The following WDR7 variants were observed in gnomAD, a reference collection of about 807,000 sequenced individuals.
WDR7 encodes the protein WD repeat domain 7, also known as WD repeat-containing protein 7.
WDR7 carries 46 observed loss-of-function variants against 169.4 expected under a neutral mutation model. That is an observed-to-expected ratio of 0.27 (90% CI 0.21 to 0.35). The LOEUF is 0.35. Ranked by LOEUF, WDR7 falls within the 10% of genes least tolerant of loss-of-function variation. WDR7 has a pLI of 1.00. For synonymous variants in WDR7, 612 were observed against 666.8 expected (o/e 0.92, Z 1.27); for missense variants, 1,534 against 1,859.3 (o/e 0.83, Z 3.22).
rs1212574209 is a variant in WDR7 at position 56,888,922 on chromosome 18, A to G, written c.3526+8757A>G. 2.0e-5 allele frequency among the ~76,000 whole-genome samples: 3 copies of G among 152,244 alleles called. No individual in the cohort carries two copies. In the East Asian group the frequency reaches 5.8e-4, roughly 29 times the overall value. On this transcript the variant is annotated intron_variant, in intron 21 of 27. Coordinates refer to ENST00000254442, the MANE Select transcript of WDR7 (RefSeq NM_015285.3). ...GTTGAATTGTGTTTTAGTTACATAGAAGGCCTCAGTTGATTTGGGGGAACT... is the reference window on the plus strand; with the variant it reads ...GTTGAATTGTGTTTTAGTTACATAGGAGGCCTCAGTTGATTTGGGGGAACT...
At chr18:56,811,348 G>A (rs551717954) in intron 19 of WDR7, among the ~76,000 whole-genome samples, 16 of 152,232 alleles carry the variant, frequency 1.1e-4, no homozygotes, top group African/African-American at 3.1e-4. Flanking sequence ...CAGATTGTTT[G>A]TTTACTCTTG....
At chr18:56,691,932 T>A in intron 9 of WDR7, 115 bp downstream of exon 9, 1 of 719,406 alleles carries the variant, frequency 1.4e-6, no homozygotes. Context: ...AGCACTGTGT[T>A]AAATGTAAAA....
intron 20 of WDR7, among the ~76,000 whole-genome samples, chr18:56,822,848 A>G (rs985595412): frequency 6.6e-6 from 1 of 152,170 alleles, no homozygotes; most frequent in African/African-American, 2.4e-5. Context: ...AGATATTAAG[A>G]AAAATAAAAG....
intron 26 of WDR7, among the ~76,000 whole-genome samples, 180 bp downstream of exon 26, chr18:56,962,709 G>A (rs1451576701): frequency 6.6e-6 from 1 of 152,156 alleles, no homozygotes; most frequent in Admixed American, 6.6e-5. Context: ...CATTCACTGG[G>A]ACTGAAGGGT....
chr18:56,876,503 ATTAGCTACTTTCCAGAAGCAGGC>A (rs2046023845), intron 20 of WDR7, among the ~76,000 whole-genome samples: 1 of 152,232 alleles, frequency 6.6e-6, no homozygotes, highest in Non-Finnish European at 1.5e-5. Context: ...GGCTGAAACC[ATTAGCTACTTTCCAGAAGCAGGC>A]TTTTGGCTCC....
chr18:56,695,746 G>T (rs1353873956), intron 11 of WDR7, among the ~76,000 whole-genome samples: 1 of 152,058 alleles, frequency 6.6e-6, no homozygotes, highest in Non-Finnish European at 1.5e-5. Flanking sequence ...TGTTGGCCAG[G>T]CTGGTCTCGA....
At position 56,906,579 on chromosome 18, in the gene WDR7, T is replaced by C. The variant is rs1352276358; in HGVS notation, c.3527-17343T>C. On this transcript the variant is annotated intron_variant, in intron 21 of 27. Coordinates refer to ENST00000254442, the MANE Select transcript of WDR7 (RefSeq NM_015285.3). ...TTTTTTTGAGATGGAATTTCACTCT[T>C]GTTGCCCAGGCTGGAATGCAATGGC... 2.7e-5 allele frequency among the ~76,000 whole-genome samples: 4 copies of C among 150,872 alleles called. No homozygotes were observed. In the East Asian group the frequency reaches 7.8e-4, roughly 29 times the overall value.
At chr18:56,755,086 A>T (rs1257779188) in intron 14 of WDR7, among the ~76,000 whole-genome samples, 1 of 151,228 alleles carries the variant, frequency 6.6e-6, no homozygotes, top group Non-Finnish European at 1.5e-5. Flanking sequence ...TTTGGTCTTC[A>T]TAGTTTTTTT....
At chr18:56,652,949 A>G (rs2024686432) in intron 1 of WDR7, among the ~76,000 whole-genome samples, 2 of 152,116 alleles carry the variant, frequency 1.3e-5, no homozygotes, top group East Asian at 3.9e-4. Flanking sequence ...TATCTTTGAT[A>G]TATGTTCCGT....
chr18:56,846,549 T>C (rs1376790438), intron 20 of WDR7, among the ~76,000 whole-genome samples: 1 of 152,170 alleles, frequency 6.6e-6, no homozygotes, highest in Non-Finnish European at 1.5e-5. Flanking sequence ...GAACTATAAG[T>C]CCAATTGAAC....
intron 26 of WDR7, among the ~76,000 whole-genome samples, chr18:57,003,533 A>C (rs2048012329): frequency 6.6e-6 from 1 of 152,096 alleles, no homozygotes; most frequent in Non-Finnish European, 1.5e-5. Flanking sequence ...CTAAATATAG[A>C]ATGAACAAAA....
In WDR7 at chr18:56,944,875, C is replaced by T. The variant is rs180964033; in HGVS notation, c.4064+5482C>T. Among the ~76,000 whole-genome samples the T allele has an allele frequency of 2.9e-3, 439 of 152,196 alleles. 1 individual carries two copies. The highest frequency in any genetic ancestry group is 0.01 in the African/African-American group (421 of 41,520). On this transcript the variant is annotated intron_variant, in intron 25 of 27. Transcript: ENST00000254442. The stretch of plus-strand genomic sequence containing the variant: ...TAATTCACAAGCAAATTAAAGAAGA[C>T]ACTATGTAAATGTAAACATTTTTGG...
chr18:57,018,928 G>A (rs62100196), intron 26 of WDR7, among the ~76,000 whole-genome samples: 33,521 of 152,176 alleles, frequency 0.22, 4,406 homozygotes, highest in Non-Finnish European at 0.29. Flanking sequence ...TTTCCTGCCT[G>A]AGTGATTCTC....
intron 20 of WDR7, among the ~76,000 whole-genome samples, chr18:56,825,680 A>G (rs1244166230): frequency 6.6e-6 from 1 of 152,218 alleles, no homozygotes; most frequent in Non-Finnish European, 1.5e-5. Flanking sequence ...AAACACATAT[A>G]TTATGACTTG....
chr18:56,791,549 C>T (rs1159354111), intron 19 of WDR7, among the ~76,000 whole-genome samples: 1 of 151,966 alleles, frequency 6.6e-6, no homozygotes, highest in Non-Finnish European at 1.5e-5. Flanking sequence ...GTCTTCAAAG[C>T]AAATAAATAC....
intron 21 of WDR7, among the ~76,000 whole-genome samples, chr18:56,907,815 A>G (rs1440914873): frequency 6.6e-6 from 1 of 152,116 alleles, no homozygotes. Flanking sequence ...CTTCTTTTGT[A>G]AAGGCACTAA....
At chr18:56,846,103 A>C (rs773130818) in intron 20 of WDR7, among the ~76,000 whole-genome samples, 8 of 152,218 alleles carry the variant, frequency 5.3e-5, no homozygotes, top group Non-Finnish European at 1.2e-4. Context: ...GTGACAAGGC[A>C]GAATATTGAC....
At position 56,924,126 on chromosome 18, in the gene WDR7, T is replaced by A. The variant is rs1194069152; in HGVS notation, c.3713+18T>A. 4 of 1,606,416 alleles carry A rather than the reference T, an allele frequency of 2.5e-6. No homozygotes were observed. Among genetic ancestry groups the A allele is most frequent in the Middle Eastern group, 1.7e-4 (1 of 6,048 alleles). On this transcript the variant is annotated intron_variant, in intron 22 of 27. Coordinates refer to ENST00000254442, the MANE Select transcript of WDR7 (RefSeq NM_015285.3). Reference sequence around the variant, plus strand: ...CTTGCCAAGTATGTGTGGATTCCGGTTAATTTAATTTGTCACTGTTTTTTG... The same window carrying A: ...CTTGCCAAGTATGTGTGGATTCCGGATAATTTAATTTGTCACTGTTTTTTG...
intron 22 of WDR7, 105 bp downstream of exon 22, chr18:56,924,213 A>G (rs765513928): frequency 7.9e-7 from 1 of 1,264,210 alleles, no homozygotes; most frequent in Non-Finnish European, 1.1e-6. Flanking sequence ...TGTTTAATAG[A>G]TAAAAAATAC....
Sources: allele counts gnomAD v4.1 joint callset (sites outside exome capture counted in the v4.1 genomes callset), GRCh38; gene constraint gnomAD v4.1.1; transcripts MANE v1.5; gene names NCBI Gene and HGNC (gene_info 2026-07-23, HGNC 2026-07-21).